The following SRGAP2B variants were observed in gnomAD, a reference collection of about 807,000 sequenced individuals.
The protein encoded by SRGAP2B is SLIT-ROBO Rho GTPase-activating protein 2B.
A neutral mutation model predicts 22.2 loss-of-function variants in SRGAP2B; 9 were observed. The ratio of observed to expected loss-of-function variants is 0.41; its 90% CI spans 0.24 to 0.71. SRGAP2B has a LOEUF of 0.71. Among genes scored for constraint, SRGAP2B ranks in the 30% least tolerant of loss-of-function variants. The pLI, the probability that SRGAP2B is intolerant of heterozygous loss-of-function variation, is 0.35. For synonymous variants in SRGAP2B, 36 were observed against 87.4 expected (o/e 0.41, Z 3.28); for missense variants, 114 against 235.8 (o/e 0.48, Z 3.38).
chr1:145,017,552 T>C (rs1375773499), intron 2 of SRGAP2B, among the ~76,000 whole-genome samples: 3 of 148,716 alleles, frequency 2.0e-5, no homozygotes, highest in South Asian at 4.2e-4. Flanking sequence ...GCTGAAAGCA[T>C]AGTTCCTCTA....
intron 2 of SRGAP2B, among the ~76,000 whole-genome samples, chr1:145,009,567 G>C (rs1191165286): frequency 2.1e-5 from 3 of 144,416 alleles, no homozygotes; most frequent in African/African-American, 7.9e-5. Context: ...CAGCCTGGGC[G>C]ACAGAGCGAG....
intron 3 of SRGAP2B, among the ~76,000 whole-genome samples, chr1:144,976,574 G>GA (rs1424959255): frequency 1.4e-5 from 2 of 145,204 alleles, no homozygotes; most frequent in Non-Finnish European, 3.0e-5. Flanking sequence ...GAGGCTCTCT[G>GA]AAAAAATGGT....
At chr1:145,088,340 GTT>G (rs1553635769) in intron 2 of SRGAP2B, among the ~76,000 whole-genome samples, 1 of 113,386 alleles carries the variant, frequency 8.8e-6, no homozygotes, top group African/African-American at 3.6e-5. Context: ...TCCTGAAAGG[GTT>G]AAACTGTTCC....
intron 2 of SRGAP2B, among the ~76,000 whole-genome samples, chr1:145,067,017 G>T: frequency 6.7e-6 from 1 of 148,984 alleles, no homozygotes; most frequent in African/African-American, 2.5e-5. Context: ...GGCCGGGCAT[G>T]ATGACTTACA....
intron 2 of SRGAP2B, among the ~76,000 whole-genome samples, chr1:145,084,008 T>C (rs1361555028): frequency 5.2e-5 from 7 of 135,138 alleles, no homozygotes; most frequent in Admixed American, 3.7e-4. Context: ...GTCAGAGCAA[T>C]TAAGGAAGGA....
intron 2 of SRGAP2B, among the ~76,000 whole-genome samples, chr1:145,006,113 T>C (rs1328493518): frequency 1.3e-5 from 2 of 150,800 alleles, no homozygotes; most frequent in Non-Finnish European, 2.9e-5. Context: ...TGACTCTCAA[T>C]CCCACCCAGG....
intron 2 of SRGAP2B, among the ~76,000 whole-genome samples, chr1:145,085,061 G>A (rs1299039362): frequency 6.6e-6 from 1 of 151,352 alleles, no homozygotes; most frequent in African/African-American, 2.4e-5. Flanking sequence ...TCCTCCCTCA[G>A]CCTCCTGAGT....
At chr1:145,012,391 G>A (rs1206197403) in intron 2 of SRGAP2B, among the ~76,000 whole-genome samples, 2 of 149,868 alleles carry the variant, frequency 1.3e-5, no homozygotes, top group African/African-American at 5.0e-5. Flanking sequence ...TTTATAACGA[G>A]TATTTACTTT....
At chr1:144,945,516 A>G (rs1430166973) in intron 4 of SRGAP2B, among the ~76,000 whole-genome samples, 1 of 151,850 alleles carries the variant, frequency 6.6e-6, no homozygotes, top group Non-Finnish European at 1.5e-5. Flanking sequence ...GCTTGAGCAC[A>G]GAAGTTTGAG....
chr1:144,925,205 ATTTTGGC>A (rs1304120030), intron 4 of SRGAP2B, among the ~76,000 whole-genome samples: 2 of 150,106 alleles, frequency 1.3e-5, no homozygotes, highest in Non-Finnish European at 2.9e-5. Context: ...GAGTTTCACT[ATTTTGGC>A]CGGGATGATC....
At position 144,957,012 on chromosome 1, in the gene SRGAP2B, T is replaced by C. The variant is rs187183824; in HGVS notation, c.261-1411A>G. Among the ~76,000 whole-genome samples, 38 of 150,846 alleles carry C rather than the reference T, an allele frequency of 2.5e-4. 2 individuals are homozygous for C. The highest frequency in any genetic ancestry group is 2.3e-3 in the Admixed American group (35 of 15,156). ...ACCACATTTGGAAGATGAGGAAAAG[T>C]AGACTAAAAATTTTTAAACACTTTG... On this transcript the variant is annotated intron_variant, in intron 3 of 9. Transcript: ENST00000612199.
intron 3 of SRGAP2B, among the ~76,000 whole-genome samples, chr1:144,957,257 C>T (rs1667333889): frequency 6.6e-6 from 1 of 150,700 alleles, no homozygotes; most frequent in South Asian, 2.1e-4. Context: ...AGACCAGGCA[C>T]TTGTGATTTG....
chr1:145,068,202 CAAAAAAAA>C, intron 2 of SRGAP2B, among the ~76,000 whole-genome samples: 1 of 15,606 alleles, frequency 6.4e-5, no homozygotes, highest in African/African-American at 2.3e-4. Flanking sequence ...GACTCCGTCT[CAAAAAAAA>C]AAAAAAAAAA....
At chr1:144,912,968 T>C (rs1356553215) in intron 5 of SRGAP2B, among the ~76,000 whole-genome samples, 1 of 111,280 alleles carries the variant, frequency 9.0e-6, no homozygotes, top group Non-Finnish European at 1.8e-5. Flanking sequence ...GCCAGTAAAG[T>C]AGTTGGCCAA....
At chr1:144,965,874 G>A (rs1668047606) in intron 3 of SRGAP2B, among the ~76,000 whole-genome samples, 1 of 145,740 alleles carries the variant, frequency 6.9e-6, no homozygotes, top group Admixed American at 6.8e-5. Flanking sequence ...GCGATCAACT[G>A]GAAGAAAGGG....
rs587761142 is a variant in SRGAP2B at position 144,957,122 on chromosome 1, A to G, written c.261-1521T>C. On this transcript the variant is annotated intron_variant, in intron 3 of 9. Transcript: ENST00000612199. ...AAAGCGAGTACTCTCATTCACTGCA[A>G]ATAATAACTATCTGTTTCTTTCCCC... Among the ~76,000 whole-genome samples the G allele has an allele frequency of 5.1e-4, 77 of 150,702 alleles. 3 individuals are homozygous for G. The South Asian group carries it at 6.0e-3, about 12-fold the overall frequency.
At chr1:144,924,661 G>A (rs1229372863) in intron 4 of SRGAP2B, among the ~76,000 whole-genome samples, 1 of 151,008 alleles carries the variant, frequency 6.6e-6, no homozygotes, top group Non-Finnish European at 1.5e-5. Flanking sequence ...GAACCCGGGA[G>A]GCGGAGCTTG....
rs1337513444 is a variant in SRGAP2B at position 144,997,225 on chromosome 1, G to A, written c.68-2025C>T. 8.0e-5 allele frequency among the ~76,000 whole-genome samples: 12 copies of A among 150,682 alleles called. 1 individual carries two copies. Among genetic ancestry groups the A allele is most frequent in the African/African-American group, 2.7e-4 (11 of 40,246 alleles). ...GGGCGGATCACAAGGTCAGGAGATCGAGACCATCATGGCTAACATGGTGAA... is the reference window on the plus strand; with the variant it reads ...GGGCGGATCACAAGGTCAGGAGATCAAGACCATCATGGCTAACATGGTGAA... On this transcript the variant is annotated intron_variant, in intron 2 of 9. Transcript: ENST00000612199.
chr1:144,925,687 G>A (rs1190303048), intron 4 of SRGAP2B, among the ~76,000 whole-genome samples: 1 of 127,818 alleles, frequency 7.8e-6, no homozygotes, highest in Admixed American at 8.4e-5. Context: ...AGAAAGAAGT[G>A]GGGGGGCAGA....
Sources: gnomAD v4.1 joint callset for allele counts (sites outside exome capture counted in the v4.1 genomes callset) on GRCh38, gnomAD v4.1.1 for gene constraint, MANE v1.5 for transcripts, NCBI Gene and HGNC (gene_info 2026-07-23, HGNC 2026-07-21) for gene names.